Variants in EHHADH observed in about 807,000 individuals in gnomAD.
The protein encoded by EHHADH is peroxisomal bifunctional enzyme.
Under a neutral mutation model 64.4 loss-of-function variants are expected in EHHADH, and 48 were observed. That is an observed-to-expected ratio of 0.75 (90% confidence interval 0.59 to 0.95). The LOEUF (loss-of-function observed/expected upper bound fraction) is 0.95. Among genes scored for constraint, EHHADH ranks in the 40% least tolerant of loss-of-function variants. The pLI is 0.00. For synonymous variants in EHHADH, 308 were observed against 326.7 expected (o/e 0.94, Z 0.62); for missense variants, 854 against 876.6 (o/e 0.97, Z 0.33).
rs141664962 is a variant in EHHADH, at chr3:185,204,623, G to A, written c.703C>T (p.Arg235Cys). ...TACTGCACAGCAGCCTGGACTGCAC[G>A]GACACAAGCCTCCTGTGCAAGACAC... ...PGCLAQEACV[R>C]AVQAAVQYPY... The change falls in exon 6 of 7, where the codon CGT becomes TGT. Residue 235 changes from arginine to cysteine, a missense_variant. Arg to Cys is a radical substitution (Grantham distance 180). Coordinates refer to ENST00000231887, the MANE Select transcript of EHHADH (RefSeq NM_001966.4). 104 of 1,614,188 alleles carry A rather than the reference G, an allele frequency of 6.4e-5. No homozygotes were observed. The African/African-American group carries it at 8.9e-4, about 14-fold the overall frequency.
chr3:185,246,596 T>G (rs1719602255), intron 2 of EHHADH, among the ~76,000 whole-genome samples: 1 of 152,206 alleles, frequency 6.6e-6, no homozygotes, highest in African/African-American at 2.4e-5. Flanking sequence ...GGCTACAGTA[T>G]CTGCAATGAT....
chr3:185,246,869 T>C (rs1719610844), intron 2 of EHHADH, among the ~76,000 whole-genome samples: 1 of 152,150 alleles, frequency 6.6e-6, no homozygotes, highest in African/African-American at 2.4e-5. Context: ...CTAATATATA[T>C]TTTTAAAGCT....
chr3:185,197,248 T>C (rs1362804115), intron 6 of EHHADH, among the ~76,000 whole-genome samples: 1 of 151,200 alleles, frequency 6.6e-6, no homozygotes, highest in East Asian at 1.9e-4. Flanking sequence ...AACCATTGAA[T>C]TGTATTCTTT....
Position 185,206,839 on chromosome 3 carries a change from G to GAA in EHHADH, c.569-2084_569-2083dup, listed in dbSNP as rs368935039. ...CGAGACTCTGTCTCCAAAAAAAACA[G>GAA]AAAAAAAAAAATGAAATGACAAGCC... On this transcript the variant is annotated intron_variant, in intron 5 of 6. Coordinates refer to ENST00000231887, the MANE Select transcript of EHHADH (RefSeq NM_001966.4). Among the ~76,000 whole-genome samples the GAA allele has an allele frequency of 2.0e-3, 267 of 132,754 alleles. 2 individuals carry two copies. The highest frequency in any genetic ancestry group is 7.0e-3 in the African/African-American group (254 of 36,300). The allele number at this position is 132,754 out of a possible 152,430, so 87.1% of individuals were successfully genotyped here. A position where few individuals can be genotyped will look rare whatever the true frequency, so the allele number is the denominator to read the frequency against.
chr3:185,193,306 C>T lies in EHHADH; in HGVS notation c.1092G>A (p.Arg364=). Residue 364 remains arginine, a synonymous_variant, in exon 7 of 7, where the codon AGG becomes AGA. Transcript: ENST00000231887. ...CAAGCTCCTTCACAGATGAAGTTAA[C>T]CTGGGTTTTGGTCCTGACCAAGGGT... ...SGHPWSGPKP[R]LTSSVKELGG... is the part of the protein sequence containing the mutation. The T allele has an allele frequency of 6.2e-7, 1 of 1,609,928 alleles. No individual in the cohort carries two copies. The highest frequency in any genetic ancestry group is 8.5e-7 in the Non-Finnish European group (1 of 1,178,430).
intron 5 of EHHADH, among the ~76,000 whole-genome samples, chr3:185,213,617 C>T (rs972754780): frequency 2.1e-4 from 32 of 152,192 alleles, no homozygotes; most frequent in Admixed American, 4.6e-4. Context: ...CGGTGGCTCA[C>T]GGCTGTAATC....
chr3:185,245,392 C>A (rs1005549513), intron 2 of EHHADH: 28 of 515,322 alleles, frequency 5.4e-5, no homozygotes, highest in Non-Finnish European at 8.3e-5. Flanking sequence ...AATGGTATAT[C>A]CACTCTGATG....
At chr3:185,206,565 C>T (rs1238192069) in intron 5 of EHHADH, among the ~76,000 whole-genome samples, 1 of 152,056 alleles carries the variant, frequency 6.6e-6, no homozygotes, top group Non-Finnish European at 1.5e-5. Context: ...CAGTGGCTCA[C>T]GCCTGTAATC....
intron 4 of EHHADH, among the ~76,000 whole-genome samples, chr3:185,227,652 C>T (rs1030465024): frequency 6.6e-6 from 1 of 151,640 alleles, no homozygotes; most frequent in South Asian, 2.1e-4. Context: ...ATGGAGAAAC[C>T]CTGTCTCTAC....
At position 185,192,341 on chromosome 3, in the gene EHHADH, T is replaced by C. The variant is rs762740668; in HGVS notation, c.2057A>G (p.Asn686Ser). 3.7e-6 allele frequency: 6 copies of C among 1,614,144 alleles called. No homozygotes were observed. The highest frequency in any genetic ancestry group is 1.3e-5 in the African/African-American group (1 of 75,032). Residue 686 changes from asparagine (N) to serine (S), a missense_variant, in exon 7 of 7, where the codon AAC becomes AGC. By Grantham distance (46) the Asn-to-Ser change is conservative (BLOSUM62 1). Transcript: ENST00000231887. ...TGGCTCCAGTTGGGGAATATCAGGG[T>C]TCTGCCTGTAATATTTCTGCAATTT... ...LEKLQKYYRQNPDIPQLEPSD... is the reference protein window; with the variant it reads ...LEKLQKYYRQSPDIPQLEPSD...
intron 2 of EHHADH, among the ~76,000 whole-genome samples, chr3:185,241,489 C>A (rs1421906233): frequency 2.0e-5 from 3 of 152,142 alleles, no homozygotes; most frequent in Non-Finnish European, 4.4e-5. Context: ...TTGATTATGA[C>A]CATTCTTGCG....
At chr3:185,197,550 G>C (rs1043155553) in intron 6 of EHHADH, among the ~76,000 whole-genome samples, 1 of 152,168 alleles carries the variant, frequency 6.6e-6, no homozygotes, top group African/African-American at 2.4e-5. Context: ...TGCAGTATTT[G>C]ATCTTTTATG....
chr3:185,204,314 A>T, intron 6 of EHHADH, 102 bp downstream of exon 6: 1 of 1,032,526 alleles, frequency 9.7e-7, no homozygotes, highest in Non-Finnish European at 1.4e-6. Flanking sequence ...TAACACAAGT[A>T]ATGTGTCTTA....
chr3:185,246,337 C>T (rs532402522), intron 2 of EHHADH: 10 of 723,028 alleles, frequency 1.4e-5, no homozygotes, highest in East Asian at 8.5e-5. Flanking sequence ...CTGAGGGCTG[C>T]GTTTCCTGTT....
rs566153796 is a variant in EHHADH at position 185,245,019 on chromosome 3, T to C, written c.178+3395A>G. On this transcript the variant is annotated intron_variant, in intron 2 of 6. Coordinates refer to ENST00000231887, the MANE Select transcript of EHHADH (RefSeq NM_001966.4). ...GACCTTGCCAGTGGAGTCTTCAGGG[T>C]CAAGTATTTACTTGGTGAGATTTCT... Among the ~76,000 whole-genome samples the C allele has an allele frequency of 3.9e-5, 6 of 152,332 alleles. No individual in the cohort carries two copies. In the East Asian group the frequency reaches 1.2e-3, roughly 29 times the overall value.
At chr3:185,201,433 G>A (rs1718218751) in intron 6 of EHHADH, among the ~76,000 whole-genome samples, 2 of 152,204 alleles carry the variant, frequency 1.3e-5, no homozygotes, top group African/African-American at 2.4e-5. Flanking sequence ...AAAGCGCAAT[G>A]GTCTGAGAAG....
At chr3:185,252,381 A>G (rs1463582033) in intron 1 of EHHADH, among the ~76,000 whole-genome samples, 1 of 151,884 alleles carries the variant, frequency 6.6e-6, no homozygotes, top group African/African-American at 2.4e-5. Flanking sequence ...GCCTGGCGAC[A>G]GAGCAAGACT....
intron 2 of EHHADH, among the ~76,000 whole-genome samples, chr3:185,236,219 C>A (rs1459997210): frequency 1.3e-5 from 2 of 152,188 alleles, no homozygotes; most frequent in Non-Finnish European, 2.9e-5. Context: ...TGCCTTCTGT[C>A]AGATCAGTAG....
chr3:185,217,047 T>C (rs1214201192), intron 5 of EHHADH, among the ~76,000 whole-genome samples: 2 of 152,240 alleles, frequency 1.3e-5, no homozygotes, highest in East Asian at 1.9e-4. Context: ...GCCCACAGTT[T>C]TACTGCGGTA....
Sources: allele counts gnomAD v4.1 joint callset (sites outside exome capture counted in the v4.1 genomes callset), GRCh38; gene constraint gnomAD v4.1.1; transcripts MANE v1.5; gene names NCBI Gene and HGNC (gene_info 2026-07-23, HGNC 2026-07-21).